The following FSTL5 variants were observed in gnomAD, a reference collection of about 807,000 sequenced individuals.
FSTL5 encodes follistatin-related protein 5.
Under a neutral mutation model 89.1 loss-of-function variants are expected in FSTL5, and 62 were observed. The observed-to-expected ratio is 0.70, with a 90% confidence interval of 0.57 to 0.86. The LOEUF (loss-of-function observed/expected upper bound fraction) is 0.86, where lower values mean the gene tolerates loss of function less well. Among genes scored for constraint, FSTL5 ranks in the 40% least tolerant of loss-of-function variants. The pLI, the probability that FSTL5 is intolerant of heterozygous loss-of-function variation, is 0.00. For synonymous variants in FSTL5, 383 were observed against 346.2 expected, an observed-to-expected ratio of 1.11 and a Z score of -1.18; for missense variants, 1,057 against 1,001.6, an observed-to-expected ratio of 1.06 and a Z score of -0.75.
At chr4:161,512,695 A>T (rs1730688540) in intron 10 of FSTL5, among the ~76,000 whole-genome samples, 1 of 152,160 alleles carries the variant, frequency 6.6e-6, no homozygotes, top group Non-Finnish European at 1.5e-5. Context: ...ACCAAAAATT[A>T]CAGACTTTGT....
At chr4:161,648,305 A>T (rs1314797639) in intron 7 of FSTL5, among the ~76,000 whole-genome samples, 1 of 152,116 alleles carries the variant, frequency 6.6e-6, no homozygotes, top group African/African-American at 2.4e-5. Context: ...AGCTGTAAGC[A>T]TTCACCCCTA....
At chr4:161,813,848 A>C (rs359144) in intron 4 of FSTL5, among the ~76,000 whole-genome samples, 32,878 of 152,090 alleles carry the variant, frequency 0.22, 3,757 homozygotes, top group East Asian at 0.29. Flanking sequence ...AATGAAAAGA[A>C]AGATGAAGTA....
intron 2 of FSTL5, among the ~76,000 whole-genome samples, chr4:162,067,199 C>T (rs890055473): frequency 1.3e-5 from 2 of 151,984 alleles, no homozygotes; most frequent in African/African-American, 4.8e-5. Flanking sequence ...GACTACAAGG[C>T]CATGCCCCCA....
intron 10 of FSTL5, among the ~76,000 whole-genome samples, chr4:161,532,660 A>C (rs927847196): frequency 4.6e-5 from 7 of 152,178 alleles, no homozygotes; most frequent in African/African-American, 1.7e-4. Flanking sequence ...TCAACACTCC[A>C]CTGACAACAT....
At chr4:161,434,837 A>G (rs1434813115) in intron 15 of FSTL5, among the ~76,000 whole-genome samples, 3 of 152,090 alleles carry the variant, frequency 2.0e-5, no homozygotes. Flanking sequence ...GCTAACACTG[A>G]TCATCAGAGA....
At chr4:161,993,175 G>A (rs1736187758) in intron 3 of FSTL5, among the ~76,000 whole-genome samples, 1 of 150,810 alleles carries the variant, frequency 6.6e-6, no homozygotes, top group African/African-American at 2.4e-5. Context: ...AATAATTCAG[G>A]GATATGGTTG....
intron 4 of FSTL5, among the ~76,000 whole-genome samples, chr4:161,789,322 G>A (rs1729375050): frequency 6.6e-6 from 1 of 151,972 alleles, no homozygotes; most frequent in African/African-American, 2.4e-5. Flanking sequence ...ACTAGGTGTT[G>A]CCAATAAAAA....
intron 10 of FSTL5, among the ~76,000 whole-genome samples, chr4:161,529,642 T>G (rs1337434531): frequency 7.0e-6 from 1 of 142,072 alleles, no homozygotes; most frequent in Non-Finnish European, 1.5e-5. Context: ...GAATTATATT[T>G]AATAAAATAT....
At chr4:161,867,583 G>A (rs1364147445) in intron 4 of FSTL5, among the ~76,000 whole-genome samples, 1 of 151,456 alleles carries the variant, frequency 6.6e-6, no homozygotes, top group African/African-American at 2.4e-5. Context: ...TTTTTGACAA[G>A]ATCCAAGTAA....
chr4:162,084,095 T>C (rs1730210615), intron 2 of FSTL5, among the ~76,000 whole-genome samples: 1 of 151,914 alleles, frequency 6.6e-6, no homozygotes, highest in Admixed American at 6.6e-5. Context: ...TATTAAAATA[T>C]ATCATAAAAT....
chr4:161,816,726 C>G (rs748241029), intron 4 of FSTL5, among the ~76,000 whole-genome samples: 1 of 152,102 alleles, frequency 6.6e-6, no homozygotes, highest in African/African-American at 2.4e-5. Flanking sequence ...ATCATCCTTT[C>G]CAAACAGGAC....
chr4:161,928,007 G>T (rs1057498499), intron 3 of FSTL5, among the ~76,000 whole-genome samples: 1 of 151,494 alleles, frequency 6.6e-6, no homozygotes, highest in Non-Finnish European at 1.5e-5. Context: ...GTGGTACTTC[G>T]TTAATATCCA....
chr4:161,776,884 C>T (rs1233135211), intron 4 of FSTL5, among the ~76,000 whole-genome samples: 1 of 151,804 alleles, frequency 6.6e-6, no homozygotes, highest in Non-Finnish European at 1.5e-5. Flanking sequence ...CTTTCCAAAC[C>T]CAGTTTTTAA....
intron 5 of FSTL5, among the ~76,000 whole-genome samples, chr4:161,762,400 C>T (rs1740839762): frequency 6.6e-6 from 1 of 152,284 alleles, no homozygotes; most frequent in Admixed American, 6.5e-5. Context: ...CTGATAGTTC[C>T]TTGCACTTCT....
intron 4 of FSTL5, among the ~76,000 whole-genome samples, chr4:161,895,419 G>T (rs1733125431): frequency 1.3e-5 from 2 of 152,044 alleles, no homozygotes; most frequent in African/African-American, 4.8e-5. Context: ...TGCAAGACTT[G>T]CCTCGCTGTT....
rs1740084245 is a variant in FSTL5 at position 161,743,111 on chromosome 4, G to A, written c.727+16300C>T. 2.0e-5 allele frequency among the ~76,000 whole-genome samples: 3 copies of A among 152,044 alleles called. No homozygotes were observed. In the South Asian group the frequency reaches 6.2e-4, roughly 32 times the overall value. ...ATTTTATTTTTTTACCTGTGTTTTT[G>A]TTGTTATAGCCCATAAAACATTACC... is the stretch of plus-strand genomic sequence containing the variant. On this transcript the variant is annotated intron_variant, in intron 6 of 15. Transcript: ENST00000306100.
intron 4 of FSTL5, among the ~76,000 whole-genome samples, chr4:161,790,922 A>G (rs1729448555): frequency 1.3e-5 from 2 of 152,140 alleles, no homozygotes; most frequent in South Asian, 2.1e-4. Flanking sequence ...ACCCTAAAAA[A>G]CTGACAGTAT....
intron 3 of FSTL5, among the ~76,000 whole-genome samples, chr4:161,987,485 T>TATATATATATATATATAC (rs984214889): frequency 7.0e-6 from 1 of 143,606 alleles, no homozygotes; most frequent in Non-Finnish European, 1.5e-5. Flanking sequence ...TATATATATA[T>TATATATATATATATATAC]ACATACATAT....
chr4:161,697,256 A>G lies in FSTL5; in HGVS notation c.728-40762T>C, dbSNP rs551192357. The stretch of plus-strand genomic sequence containing the variant: ...ACCAAAATTCCTCAAAATTTACCAG[A>G]CTTTTTTTGTCAAGCCCTGTCCTGA... On this transcript the variant is annotated intron_variant, in intron 6 of 15. Transcript: ENST00000306100. Among the ~76,000 whole-genome samples the G allele has an allele frequency of 2.2e-3, 330 of 152,208 alleles. 2 individuals carry two copies. Among genetic ancestry groups the G allele is most frequent in the African/African-American group, 7.2e-3 (299 of 41,536 alleles).
Sources: allele counts gnomAD v4.1 joint callset (sites outside exome capture counted in the v4.1 genomes callset), GRCh38; gene constraint gnomAD v4.1.1; transcripts MANE v1.5; gene names NCBI Gene and HGNC (gene_info 2026-07-23, HGNC 2026-07-21).